Variants in SLC2A9 observed in about 807,000 individuals in gnomAD.
SLC2A9 encodes the protein solute carrier family 2, facilitated glucose transporter member 9.
A neutral mutation model predicts 50.6 loss-of-function variants in SLC2A9; 39 were observed. That is an observed-to-expected ratio of 0.77 (90% CI 0.60 to 1.01). The LOEUF is 1.01. Among genes scored for constraint, SLC2A9 ranks in the 50% least tolerant of loss-of-function variants. The probability of loss-of-function intolerance (pLI) is 0.00; values close to 1 mark genes in which losing one functional copy is unlikely to be tolerated. For synonymous variants in SLC2A9, 324 were observed against 276.9 expected (o/e 1.17, Z -1.69); for missense variants, 686 against 677.6 (o/e 1.01, Z -0.14).
intron 3 of SLC2A9, among the ~76,000 whole-genome samples, chr4:9,987,282 G>A (rs1756888734): frequency 6.6e-6 from 1 of 152,076 alleles, no homozygotes; most frequent in African/African-American, 2.4e-5. Context: ...ACCACACCCA[G>A]CTAATTTTTG....
At chr4:10,021,520 G>A, upstream of SLC2A9, 2 of 1,581,610 alleles carry the variant, frequency 1.3e-6, no homozygotes, top group Non-Finnish European at 8.6e-7. Flanking sequence ...TCCACTGGAA[G>A]GAGGGCGGGA....
intron 4 of SLC2A9, 35 bp from the exon 5 acceptor site, chr4:9,980,772 T>A: frequency 1.2e-6 from 2 of 1,614,026 alleles, no homozygotes; most frequent in Non-Finnish European, 1.7e-6. Flanking sequence ...GTTAGAGAGG[T>A]GTCTTCCCGG....
At chr4:9,811,508 G>A (rs1483853819) in intron 3 of SLC2A9, among the ~76,000 whole-genome samples, 1 of 152,166 alleles carries the variant, frequency 6.6e-6, no homozygotes, top group Admixed American at 6.5e-5. Context: ...ATTGAGAGAA[G>A]AGAAAGAGGG....
In SLC2A9 at chr4:9,945,914, C is replaced by T. The variant is rs568510070; in HGVS notation, c.682-3869G>A. On this transcript the variant is annotated intron_variant, in intron 5 of 11. Coordinates refer to ENST00000264784, the MANE Select transcript of SLC2A9 (RefSeq NM_020041.3). The stretch of plus-strand genomic sequence containing the variant: ...GGCTTTCCTACACACTGGTCCCTTT[C>T]ACAAACAGCGCTTGCCATTTTCAGA... Among the ~76,000 whole-genome samples the T allele has an allele frequency of 3.3e-5, 5 of 152,328 alleles. No individual in the cohort carries two copies. The South Asian group carries it at 6.2e-4, about 19-fold the overall frequency.
chr4:9,861,766 T>C (rs1423565608), intron 10 of SLC2A9, among the ~76,000 whole-genome samples: 2 of 152,198 alleles, frequency 1.3e-5, no homozygotes, highest in African/African-American at 4.8e-5. Flanking sequence ...GAGAGTCTTA[T>C]TCATCTTTGC....
intron 5 of SLC2A9, among the ~76,000 whole-genome samples, chr4:9,946,837 G>A (rs4580649): frequency 0.48 from 72,764 of 151,872 alleles, 18,589 homozygotes; most frequent in African/African-American, 0.64. Context: ...CCATTCTAGG[G>A]GCTCATGTCT....
intron 1 of SLC2A9, among the ~76,000 whole-genome samples, chr4:9,772,534 C>T (rs1716956897): frequency 6.6e-6 from 1 of 152,198 alleles, no homozygotes; most frequent in African/African-American, 2.4e-5. Context: ...CACCCCTGCA[C>T]AATGAGAAGA....
intron 8 of SLC2A9, among the ~76,000 whole-genome samples, chr4:9,896,563 C>T (rs1205157396): frequency 1.3e-5 from 2 of 152,172 alleles, no homozygotes; most frequent in African/African-American, 4.8e-5. Flanking sequence ...CTTTTTATCT[C>T]CTTAACAATA....
rs952898726 is a variant in SLC2A9, at chr4:9,926,831, A to G, written c.815-6259T>C. ...TGACTCTTGTCCTTACAAGAGGAGA[A>G]GAGACACAGATAGATACACACAGGG... is the stretch of plus-strand genomic sequence containing the variant. On this transcript the variant is annotated intron_variant, in intron 6 of 11. Transcript: ENST00000264784. Among the ~76,000 whole-genome samples the G allele has an allele frequency of 7.9e-5, 12 of 152,238 alleles. No homozygotes were observed. The East Asian group carries it at 2.3e-3, about 30-fold the overall frequency.
At chr4:10,014,282 C>T (rs751922571) in intron 2 of SLC2A9, among the ~76,000 whole-genome samples, 5 of 152,182 alleles carry the variant, frequency 3.3e-5, no homozygotes, top group African/African-American at 1.2e-4. Flanking sequence ...CCTTTCATTT[C>T]GCAGCGACCT....
chr4:9,915,694 C>A (rs1417496435), intron 7 of SLC2A9, among the ~76,000 whole-genome samples: 1 of 152,218 alleles, frequency 6.6e-6, no homozygotes, highest in Non-Finnish European at 1.5e-5. Context: ...GCCTGGCACT[C>A]TTGACCACAG....
intron 3 of SLC2A9, among the ~76,000 whole-genome samples, chr4:9,803,206 G>A (rs1448811743): frequency 6.6e-6 from 1 of 152,180 alleles, no homozygotes; most frequent in East Asian, 1.9e-4. Flanking sequence ...ATAACAGTTG[G>A]GTTGTTTGAA....
intron 10 of SLC2A9, among the ~76,000 whole-genome samples, chr4:9,860,927 C>T (rs1450003939): frequency 6.6e-6 from 1 of 152,190 alleles, no homozygotes; most frequent in Non-Finnish European, 1.5e-5. Context: ...GCGTGGCTGC[C>T]TCCTTCTTGT....
chr4:10,015,637 A>ATC (rs1399012274), intron 2 of SLC2A9, among the ~76,000 whole-genome samples: 2 of 152,340 alleles, frequency 1.3e-5, no homozygotes, highest in African/African-American at 4.8e-5. Context: ...TGGGATGAGT[A>ATC]TCTTGCTCCC....
chr4:9,882,555 A>G (rs575303418), intron 10 of SLC2A9, among the ~76,000 whole-genome samples: 13 of 151,964 alleles, frequency 8.6e-5, no homozygotes, highest in African/African-American at 2.7e-4. Flanking sequence ...AAAAATACAA[A>G]AAAATTAGCC....
chr4:10,038,982 T>C (rs115661060), intron 1 of SLC2A9, among the ~76,000 whole-genome samples: 1,938 of 152,356 alleles, frequency 0.013, 36 homozygotes, highest in African/African-American at 0.044. Flanking sequence ...TCTGCCGTTC[T>C]AGTGTAGAAG....
intron 3 of SLC2A9, among the ~76,000 whole-genome samples, chr4:9,792,035 T>C (rs1037507199): frequency 6.6e-6 from 1 of 152,134 alleles, no homozygotes; most frequent in Non-Finnish European, 1.5e-5. Context: ...TGGATGAAAA[T>C]ATTCAGGTTC....
chr4:9,897,850 T>C (rs1240194181), intron 8 of SLC2A9, among the ~76,000 whole-genome samples: 1 of 152,100 alleles, frequency 6.6e-6, no homozygotes, highest in Non-Finnish European at 1.5e-5. Context: ...TGAGCTGAGA[T>C]TGTGCTACTG....
intron 3 of SLC2A9, among the ~76,000 whole-genome samples, chr4:9,993,454 T>C (rs754455711): frequency 2.6e-5 from 4 of 152,124 alleles, no homozygotes; most frequent in Non-Finnish European, 5.9e-5. Context: ...TCTGGGTCAA[T>C]TGTAGGGATG....
Sources: allele counts gnomAD v4.1 joint callset (sites outside exome capture counted in the v4.1 genomes callset), GRCh38; gene constraint gnomAD v4.1.1; transcripts MANE v1.5; gene names NCBI Gene and HGNC (gene_info 2026-07-23, HGNC 2026-07-21).